The following MED31 variants were observed in gnomAD, a reference collection of about 807,000 sequenced individuals.
The protein encoded by MED31 is mediator complex subunit 31.
A neutral mutation model predicts 22.0 loss-of-function variants in MED31; 11 were observed. The ratio of observed to expected loss-of-function variants is 0.50; its 90% CI spans 0.31 to 0.83. MED31 has a LOEUF of 0.83. Ranked by LOEUF, MED31 falls within the 40% of genes least tolerant of loss-of-function variation. The probability of loss-of-function intolerance (pLI) is 0.04; values close to 1 mark genes in which losing one functional copy is unlikely to be tolerated. For missense variants in MED31, 122 were observed against 155.3 expected, an observed-to-expected ratio of 0.79 and a Z score of 1.14; for synonymous variants, 60 against 55.1, an observed-to-expected ratio of 1.09 and a Z score of -0.40.
rs1481405689 is a variant in MED31 at position 6,643,582 on chromosome 17, AAG to A, written c.*883_*884del. 1.3e-5 allele frequency: 2 copies of A among 153,030 alleles called. No homozygotes were observed. The highest frequency in any genetic ancestry group is 2.9e-5 in the Non-Finnish European group (2 of 68,650). 9.5% of individuals were successfully genotyped at this position (153,030 alleles called of 1,614,324 possible). ...AGGCAGGTGGCGGAGAGCGGCCGGA[AAG>A]ACTCTATAACCCAGTTCTGGGAAGA... On this transcript the variant is annotated 3_prime_UTR_variant, in exon 4 of 4. Transcript: ENST00000225728.
At chr17:6,649,342 T>C (rs539923925) in intron 3 of MED31, among the ~76,000 whole-genome samples, 9 of 152,200 alleles carry the variant, frequency 5.9e-5, no homozygotes, top group South Asian at 4.1e-4. Flanking sequence ...AATATATATA[T>C]ATAAATGAGT....
At chr17:6,648,871 G>A (rs1597633920) in intron 3 of MED31, among the ~76,000 whole-genome samples, 1 of 152,006 alleles carries the variant, frequency 6.6e-6, no homozygotes. Flanking sequence ...ACCATCTCTC[G>A]GCAACGTTGT....
In MED31 at chr17:6,644,609, C is replaced by T. The variant is rs1341538478; in HGVS notation, c.254G>A (p.Arg85Gln). Residue 85 changes from arginine to glutamine, a missense_variant, in exon 4 of 4, where the codon CGA becomes CAA. Coordinates refer to ENST00000225728, the MANE Select transcript of MED31 (RefSeq NM_016060.3). ...MLELLQYEHF[R>Q]KELVNAQCAK... ...ACACTGAGCATTCACCAGCTCCTTT[C>T]GGAAGTGTTCATATTGGAGCAGCTC... The T allele has an allele frequency of 5.0e-6, 8 of 1,612,106 alleles. No individual in the cohort carries two copies. Among genetic ancestry groups the T allele is most frequent in the Non-Finnish European group, 6.8e-6 (8 of 1,179,588 alleles).
intron 2 of MED31, 62 bp from the exon 3 acceptor site, chr17:6,650,140 C>A (rs1483110288): frequency 2.1e-6 from 3 of 1,459,248 alleles, no homozygotes; most frequent in East Asian, 2.3e-5. Flanking sequence ...TGATTTGTTA[C>A]CCCTAATATA....
chr17:6,651,120 CA>C lies in MED31; in HGVS notation c.28+380del, dbSNP rs57965628. Among the ~76,000 whole-genome samples, 90 of 49,040 alleles carry C rather than the reference CA, an allele frequency of 1.8e-3. 2 individuals are homozygous for C. Among genetic ancestry groups the C allele is most frequent in the South Asian group, 8.6e-3 (11 of 1,282 alleles). The allele number at this position is 49,040 out of a possible 152,430, so 32.2% of individuals were successfully genotyped here. On this transcript the variant is annotated intron_variant, in intron 1 of 3. Transcript: ENST00000225728. ...TGGGCGACAGAGCCAGACGCTGTCT[CA>C]AAAAAAAAAAAAAAAAGAAGCACCA...
Position 6,651,252 on chromosome 17 carries a change from TCTCC to T in MED31, c.28+245_28+248del, listed in dbSNP as rs113796624. ...AGGACACGGTTTAACACACAAGTCC[TCTCC>T]CTTAGTCTCACCCACGCCAGGGAGC... On this transcript the variant is annotated intron_variant, in intron 1 of 3. Coordinates refer to ENST00000225728, the MANE Select transcript of MED31 (RefSeq NM_016060.3). The T allele has an allele frequency of 2.0e-3, 942 of 464,614 alleles. 12 individuals are homozygous for T. Among genetic ancestry groups the T allele is most frequent in the African/African-American group, 0.017 (842 of 50,580 alleles). 28.8% of individuals were successfully genotyped at this position (464,614 alleles called of 1,614,324 possible). A position where few individuals can be genotyped will look rare whatever the true frequency, so the allele number is the denominator to read the frequency against.
In MED31 at chr17:6,644,641, G is replaced by A. The variant is rs779551238; in HGVS notation, c.222C>T (p.His74=). The change falls in exon 4 of 4, where the codon CAC becomes CAT. Residue 74 remains histidine (H), a synonymous_variant. Transcript: ENST00000225728. ...AKYLKYPQCL[H]MLELLQYEHF... ...GTTCATATTGGAGCAGCTCTAACATGTGTAAACACTGAGGGTACCTGGGTT... is the reference window on the plus strand; with the variant it reads ...GTTCATATTGGAGCAGCTCTAACATATGTAAACACTGAGGGTACCTGGGTT... 14 of 1,587,528 alleles carry A rather than the reference G, an allele frequency of 8.8e-6. No individual in the cohort carries two copies. The highest frequency in any genetic ancestry group is 1.2e-5 in the South Asian group (1 of 86,028).
intron 3 of MED31, among the ~76,000 whole-genome samples, chr17:6,648,207 T>C (rs576810238): frequency 6.6e-6 from 1 of 152,356 alleles, no homozygotes; most frequent in East Asian, 1.9e-4. Context: ...TGGCCCACTG[T>C]ACTCTGACCA....
In MED31 at chr17:6,650,249, T is replaced by TG. The variant is rs1348311888; in HGVS notation, c.106+106dup. On this transcript the variant is annotated intron_variant, in intron 2 of 3. Coordinates refer to ENST00000225728, the MANE Select transcript of MED31 (RefSeq NM_016060.3). The stretch of plus-strand genomic sequence containing the variant: ...TATCTATATACCAGCATAAGTGTAA[T>TG]GTCATTCAACTGAGAATGTGTAAAA... The TG allele has an allele frequency of 3.3e-5, 43 of 1,307,122 alleles. No homozygotes were observed. The Admixed American group carries it at 8.0e-4, about 24-fold the overall frequency. The allele number at this position is 1,307,122 out of a possible 1,614,324, so 81.0% of individuals were successfully genotyped here.
intron 2 of MED31, 85 bp downstream of exon 2, chr17:6,650,271 A>C: frequency 7.1e-7 from 1 of 1,401,270 alleles, no homozygotes; most frequent in African/African-American, 1.4e-5. Context: ...GAGAATGTGT[A>C]AAAGTAGATA....
Position 6,644,342 on chromosome 17 carries a change from C to T in MED31, c.*125G>A. On this transcript the variant is annotated 3_prime_UTR_variant, in exon 4 of 4. Transcript: ENST00000225728. Reference sequence around the variant, plus strand: ...CAATAAAAAGTTGGATGAAAAAGCACACTAAAGGTTCTAGGGGCTACCATA... The same window carrying T: ...CAATAAAAAGTTGGATGAAAAAGCATACTAAAGGTTCTAGGGGCTACCATA... 1 of 1,109,140 alleles carries T rather than the reference C, an allele frequency of 9.0e-7. No individual in the cohort carries two copies. The highest frequency in any genetic ancestry group is 1.2e-6 in the Non-Finnish European group (1 of 828,528). The allele number at this position is 1,109,140 out of a possible 1,614,324, so 68.7% of individuals were successfully genotyped here. A position where few individuals can be genotyped will look rare whatever the true frequency, so the allele number is the denominator to read the frequency against.
intron 3 of MED31, among the ~76,000 whole-genome samples, chr17:6,648,876 C>T (rs776092375): frequency 6.6e-6 from 1 of 151,984 alleles, no homozygotes; most frequent in Non-Finnish European, 1.5e-5. Context: ...CTCTCGGCAA[C>T]GTTGTGGGTA....
At chr17:6,649,184 G>A (rs1185378866) in intron 3 of MED31, among the ~76,000 whole-genome samples, 1 of 146,430 alleles carries the variant, frequency 6.8e-6, no homozygotes, top group Non-Finnish European at 1.5e-5. Context: ...ACAAAGCAGG[G>A]GTGTGAGTTC....
At chr17:6,647,481 T>C (rs183521137) in intron 3 of MED31, among the ~76,000 whole-genome samples, 93 of 152,364 alleles carry the variant, frequency 6.1e-4, no homozygotes, top group South Asian at 1.7e-3. Context: ...CTTCTTAAAA[T>C]GCAGATTGAA....
intron 1 of MED31, 56 bp downstream of exon 1, chr17:6,651,445 G>A (rs2150950138): frequency 1.9e-6 from 3 of 1,610,470 alleles, no homozygotes; most frequent in Non-Finnish European, 2.5e-6. Flanking sequence ...CGGGGAAGAG[G>A]TCTGGGTCAA....
chr17:6,649,848 G>T, intron 3 of MED31, 134 bp downstream of exon 3: 1 of 832,404 alleles, frequency 1.2e-6, no homozygotes, highest in Non-Finnish European at 1.7e-6. Context: ...TTAGAGATGA[G>T]GGTGTCTTGT....
chr17:6,651,223 A>G, intron 1 of MED31: 1 of 361,494 alleles, frequency 2.8e-6, no homozygotes, highest in East Asian at 4.3e-5. Flanking sequence ...AAAACCAATC[A>G]AGGAGGACAC....
chr17:6,645,800 T>TA (rs1972760004), intron 3 of MED31, among the ~76,000 whole-genome samples: 1 of 151,868 alleles, frequency 6.6e-6, no homozygotes, highest in Non-Finnish European at 1.5e-5. Flanking sequence ...ATCATCACAG[T>TA]AAAAAATGTT....
intron 3 of MED31, among the ~76,000 whole-genome samples, chr17:6,647,575 T>C (rs1297166185): frequency 6.6e-6 from 1 of 152,228 alleles, no homozygotes; most frequent in East Asian, 1.9e-4. Flanking sequence ...GAACACCACA[T>C]TGAATAGAGG....
Sources: gnomAD v4.1 joint callset for allele counts (sites outside exome capture counted in the v4.1 genomes callset) on GRCh38, gnomAD v4.1.1 for gene constraint, MANE v1.5 for transcripts, NCBI Gene and HGNC (gene_info 2026-07-23, HGNC 2026-07-21) for gene names.